The following SLC22A3 variants were observed in gnomAD, a reference collection of about 807,000 sequenced individuals.
The protein encoded by SLC22A3 is solute carrier family 22 member 3.
In SLC22A3, 51 loss-of-function variants were observed where a neutral mutation model predicts 59.1. The observed-to-expected ratio is 0.86, with a 90% CI of 0.69 to 1.09. The LOEUF (loss-of-function observed/expected upper bound fraction) is 1.09. SLC22A3 is among the 50% of genes least tolerant of loss of function. The probability of loss-of-function intolerance (pLI) is 0.00; values close to 1 mark genes in which losing one functional copy is unlikely to be tolerated. For missense variants in SLC22A3, 711 were observed against 726.3 expected, an observed-to-expected ratio of 0.98 and a Z score of 0.24; for synonymous variants, 325 against 292.0, an observed-to-expected ratio of 1.11 and a Z score of -1.15.
At chr6:160,392,979 A>T (rs1786322446) in intron 1 of SLC22A3, among the ~76,000 whole-genome samples, 1 of 152,014 alleles carries the variant, frequency 6.6e-6, no homozygotes. Flanking sequence ...GAAAGGTTCC[A>T]TTGACAACTC....
intron 5 of SLC22A3, among the ~76,000 whole-genome samples, chr6:160,411,069 T>C (rs576464326): frequency 8.5e-5 from 13 of 152,190 alleles, no homozygotes; most frequent in East Asian, 1.9e-4. Flanking sequence ...GGAAAAATCA[T>C]AGGACATATT....
At position 160,410,562 on chromosome 6, in the gene SLC22A3, A is replaced by T. The variant is rs1787204845; in HGVS notation, c.858-167A>T. Among the ~76,000 whole-genome samples, 3 of 152,348 alleles carry T rather than the reference A, an allele frequency of 2.0e-5. No homozygotes were observed. In the South Asian group the frequency reaches 6.2e-4, roughly 32 times the overall value. On this transcript the variant is annotated intron_variant, in intron 4 of 10. Coordinates refer to ENST00000275300, the MANE Select transcript of SLC22A3 (RefSeq NM_021977.4). ...AAGCTAGCATTTTTCCCCATCCATT[A>T]TAACCTTGCAGGAATAATCTGTATT...
In SLC22A3 at chr6:160,451,547, A is replaced by G. The variant is rs1051893145; in HGVS notation, c.*491A>G. 6.0e-6 allele frequency: 1 copy of G among 166,844 alleles called. No homozygotes were observed. Among genetic ancestry groups the G allele is most frequent in the African/African-American group, 2.4e-5 (1 of 41,688 alleles). 10.3% of individuals were successfully genotyped at this position (166,844 alleles called of 1,614,324 possible). The stretch of plus-strand genomic sequence containing the variant: ...GGATGAACATCTGGGAATCCTGTTA[A>G]TGAGAAGGCTGAATCACAGGCACCT... On this transcript the variant is annotated 3_prime_UTR_variant, in exon 11 of 11. Coordinates refer to ENST00000275300, the MANE Select transcript of SLC22A3 (RefSeq NM_021977.4).
chr6:160,408,391 A>G (rs1401545081), intron 3 of SLC22A3, among the ~76,000 whole-genome samples: 1 of 152,234 alleles, frequency 6.6e-6, no homozygotes, highest in Non-Finnish European at 1.5e-5. Context: ...TAGCCATCTT[A>G]ACATATTTAT....
chr6:160,383,534 A>G (rs1785875038), intron 1 of SLC22A3, among the ~76,000 whole-genome samples: 3 of 143,940 alleles, frequency 2.1e-5, no homozygotes, highest in Non-Finnish European at 4.7e-5. Flanking sequence ...CATTCTATAC[A>G]TAGAATTTCT....
At chr6:160,381,035 A>C (rs866273691) in intron 1 of SLC22A3, among the ~76,000 whole-genome samples, 52 of 152,180 alleles carry the variant, frequency 3.4e-4, no homozygotes, top group Middle Eastern at 3.2e-3. Context: ...GGATTTGAAA[A>C]ATGTGCCAGG....
chr6:160,417,301 C>T (rs1388834695), intron 5 of SLC22A3, among the ~76,000 whole-genome samples: 14 of 152,168 alleles, frequency 9.2e-5, no homozygotes, highest in Non-Finnish European at 2.9e-5. Flanking sequence ...AGTGCTGTTC[C>T]TTCAGGGTGG....
At chr6:160,421,235 CT>C (rs1327287851) in intron 5 of SLC22A3, among the ~76,000 whole-genome samples, 2 of 152,186 alleles carry the variant, frequency 1.3e-5, no homozygotes, top group East Asian at 3.9e-4. Context: ...ACACAAAGCC[CT>C]TTTTTCCCTA....
chr6:160,391,349 C>A (rs1567440), intron 1 of SLC22A3, among the ~76,000 whole-genome samples: 2 of 151,768 alleles, frequency 1.3e-5, no homozygotes, highest in Non-Finnish European at 2.9e-5. Flanking sequence ...TCAAGTAATT[C>A]TATATATATA....
chr6:160,407,293 A>G, intron 3 of SLC22A3, 98 bp downstream of exon 3: 2 of 1,269,934 alleles, frequency 1.6e-6, no homozygotes, highest in Non-Finnish European at 2.2e-6. Context: ...TGTGTCCTTT[A>G]ACAAAGGAGG....
Position 160,348,792 on chromosome 6 carries a change from G to C in SLC22A3, c.373G>C (p.Val125Leu), listed in dbSNP as rs1319922471. The C allele has an allele frequency of 3.8e-6, 6 of 1,574,588 alleles. No individual in the cohort carries two copies. In the South Asian group the frequency reaches 5.8e-5, roughly 15 times the overall value. Residue 125 changes from valine to leucine, a missense_variant, in exon 1 of 11, where the codon GTG (valine) becomes CTG (leucine). Coordinates refer to ENST00000275300, the MANE Select transcript of SLC22A3 (RefSeq NM_021977.4). Reference protein sequence around the residue: ...AAFPNRSAPLVPCRGGWRYAQ... With the variant: ...AAFPNRSAPLLPCRGGWRYAQ... Reference sequence around the variant, plus strand: ...CTTCCCCAACCGCTCGGCTCCCCTTGTGCCGTGCCGCGGCGGCTGGCGCTA... The same window carrying C: ...CTTCCCCAACCGCTCGGCTCCCCTTCTGCCGTGCCGCGGCGGCTGGCGCTA...
At chr6:160,354,206 C>A (rs1024928900) in intron 1 of SLC22A3, among the ~76,000 whole-genome samples, 1 of 152,180 alleles carries the variant, frequency 6.6e-6, no homozygotes, top group Non-Finnish European at 1.5e-5. Flanking sequence ...ATACACATGT[C>A]CTTTGGTGTC....
intron 1 of SLC22A3, among the ~76,000 whole-genome samples, chr6:160,386,744 G>A (rs1486890275): frequency 6.6e-6 from 1 of 152,246 alleles, no homozygotes; most frequent in African/African-American, 2.4e-5. Flanking sequence ...GAAGGGCAGA[G>A]GTCGGCAGGC....
intron 2 of SLC22A3, among the ~76,000 whole-genome samples, chr6:160,400,314 C>A (rs1448473051): frequency 6.6e-6 from 1 of 151,884 alleles, no homozygotes; most frequent in African/African-American, 2.4e-5. Context: ...AAGGGAAATA[C>A]CAACTCCAGC....
At chr6:160,397,021 CT>C (rs1786499689) in intron 1 of SLC22A3, among the ~76,000 whole-genome samples, 2 of 152,096 alleles carry the variant, frequency 1.3e-5, no homozygotes, top group African/African-American at 4.8e-5. Flanking sequence ...AAAGAACAGT[CT>C]GTTTATAGCA....
At chr6:160,430,714 G>T (rs1359466527) in intron 5 of SLC22A3, among the ~76,000 whole-genome samples, 1 of 152,120 alleles carries the variant, frequency 6.6e-6, no homozygotes, top group Non-Finnish European at 1.5e-5. Context: ...AGAGAGTGTC[G>T]ATACTAGGCA....
At chr6:160,405,258 T>G (rs774272999) in intron 2 of SLC22A3, among the ~76,000 whole-genome samples, 1 of 152,014 alleles carries the variant, frequency 6.6e-6, no homozygotes, top group African/African-American at 2.4e-5. Flanking sequence ...TCTTAACAGA[T>G]AGCTCACCAA....
Position 160,402,083 on chromosome 6 carries a change from C to A in SLC22A3, c.533+4001C>A, listed in dbSNP as rs181423868. Among the ~76,000 whole-genome samples, 288 of 152,006 alleles carry A rather than the reference C, an allele frequency of 1.9e-3. 2 individuals carry two copies. The highest frequency in any genetic ancestry group is 3.5e-3 in the Non-Finnish European group (239 of 67,816). On this transcript the variant is annotated intron_variant, in intron 2 of 10. Coordinates refer to ENST00000275300, the MANE Select transcript of SLC22A3 (RefSeq NM_021977.4). ...TGGTCTAAATGAGCCAACTAAAAGA[C>A]AGAGATTTTCACAGTGGATCAACAA...
At chr6:160,380,625 G>T (rs558339678) in intron 1 of SLC22A3, among the ~76,000 whole-genome samples, 51 of 152,254 alleles carry the variant, frequency 3.3e-4, no homozygotes, top group African/African-American at 1.2e-3. Context: ...TGATGATAAT[G>T]ATTTCTGTTG....
Sources: gnomAD v4.1 joint callset for allele counts (sites outside exome capture counted in the v4.1 genomes callset) on GRCh38, gnomAD v4.1.1 for gene constraint, MANE v1.5 for transcripts, NCBI Gene and HGNC (gene_info 2026-07-23, HGNC 2026-07-21) for gene names.